Variants in MAP3K14 observed in about 807,000 individuals in gnomAD.
MAP3K14 encodes mitogen-activated protein kinase kinase kinase 14.
Under a neutral mutation model 99.2 loss-of-function variants are expected in MAP3K14, and 16 were observed. That is an observed-to-expected ratio of 0.16 (90% CI 0.11 to 0.24). The LOEUF is 0.24. Among genes scored for constraint, MAP3K14 ranks in the 10% least tolerant of loss-of-function variants. The pLI, the probability that MAP3K14 is intolerant of heterozygous loss-of-function variation, is 1.00. For synonymous variants in MAP3K14, 462 were observed against 492.4 expected (o/e 0.94, Z 0.82); for missense variants, 784 against 1,208.7 (o/e 0.65, Z 5.21).
rs768374848 is a variant in MAP3K14 at position 45,273,534 on chromosome 17, T to C, written c.1626A>G (p.Gln542=). ...GCAAGGACTTTCCCAGGCCATCAGG[T>C]TGAAGACACACAGCATGGCCAAAGT... is the stretch of plus-strand genomic sequence containing the variant. The part of the protein sequence containing the change: ...LCDFGHAVCL[Q]PDGLGKSLLT... Residue 542 remains glutamine, a synonymous_variant, in exon 9 of 16, where the codon CAA becomes CAG. Coordinates refer to ENST00000344686, the MANE Select transcript of MAP3K14 (RefSeq NM_003954.5). 3 of 1,613,044 alleles carry C rather than the reference T, an allele frequency of 1.9e-6. No homozygotes were observed. The highest frequency in any genetic ancestry group is 2.5e-6 in the Non-Finnish European group (3 of 1,179,524).
chr17:45,305,145 T>C (rs902714606), intron 1 of MAP3K14, among the ~76,000 whole-genome samples: 2 of 152,142 alleles, frequency 1.3e-5, no homozygotes, highest in Non-Finnish European at 2.9e-5. Flanking sequence ...TCGCCCAGGC[T>C]GGAGTGCAGT....
At chr17:45,265,455 T>G (rs1467043881) in intron 14 of MAP3K14, among the ~76,000 whole-genome samples, 192 bp from the exon 15 acceptor site, 1 of 152,218 alleles carries the variant, frequency 6.6e-6, no homozygotes. Context: ...TTTTTGTTTT[T>G]GAGACAGAGT....
At chr17:45,316,789 G>A (rs1222015412) in intron 1 of MAP3K14, among the ~76,000 whole-genome samples, 171 bp downstream of exon 1, 2 of 151,728 alleles carry the variant, frequency 1.3e-5, no homozygotes, top group Non-Finnish European at 2.9e-5. Context: ...CCCGCGGACC[G>A]CTGCGAGTGG....
At chr17:45,303,269 T>A (rs754141095) in intron 1 of MAP3K14, among the ~76,000 whole-genome samples, 8 of 152,122 alleles carry the variant, frequency 5.3e-5, no homozygotes, top group African/African-American at 1.2e-4. Context: ...TGCTTAAAAA[T>A]TTTTTTTCAG....
chr17:45,278,679 CTTTTT>C (rs34562745), intron 6 of MAP3K14, among the ~76,000 whole-genome samples: 1 of 139,164 alleles, frequency 7.2e-6, no homozygotes, highest in Non-Finnish European at 1.6e-5. Context: ...CCATGCTGAA[CTTTTT>C]TTTTTTTTTT....
intron 1 of MAP3K14, among the ~76,000 whole-genome samples, chr17:45,301,286 A>G (rs990439932): frequency 2.6e-5 from 4 of 152,178 alleles, no homozygotes; most frequent in Admixed American, 6.5e-5. Flanking sequence ...CAACACAGAG[A>G]AACCCCGTCT....
chr17:45,277,314 G>A (rs58428160), intron 6 of MAP3K14, among the ~76,000 whole-genome samples: 34,819 of 151,928 alleles, frequency 0.23, 4,167 homozygotes, highest in East Asian at 0.38. Flanking sequence ...TCCCCGCTTA[G>A]TAGACTTGTC....
Position 45,263,411 on chromosome 17 carries a change from C to T in MAP3K14, c.*1225G>A, listed in dbSNP as rs2143750299. 6.5e-6 allele frequency: 1 copy of T among 152,878 alleles called. No individual in the cohort carries two copies. The highest frequency in any genetic ancestry group is 2.1e-4 in the South Asian group (1 of 4,830). 9.5% of individuals were successfully genotyped at this position (152,878 alleles called of 1,614,324 possible). ...TGCTACGTGAGTCCTGAGTAGCTCC[C>T]CTGGGAGAAGAGGCTAAGCTGGGGC... On this transcript the variant is annotated 3_prime_UTR_variant, in exon 16 of 16. Coordinates refer to ENST00000344686, the MANE Select transcript of MAP3K14 (RefSeq NM_003954.5).
chr17:45,279,423 A>C (rs1279107249), intron 6 of MAP3K14, among the ~76,000 whole-genome samples: 1 of 148,452 alleles, frequency 6.7e-6, no homozygotes, highest in East Asian at 2.0e-4. Context: ...CACCACACCC[A>C]GCCTTCTTTG....
At chr17:45,312,728 G>C (rs1197814616) in intron 1 of MAP3K14, among the ~76,000 whole-genome samples, 1 of 152,148 alleles carries the variant, frequency 6.6e-6, no homozygotes, top group African/African-American at 2.4e-5. Flanking sequence ...ATTTAAAGGG[G>C]AATCTGCAAG....
chr17:45,277,152 T>A lies in MAP3K14; in HGVS notation c.1291-2559A>T, dbSNP rs558628866. ...CTCTTAGGCTTCTTCTTCTTTTTTT[T>A]AATTTTATTTATTATTATACTTTAA... On this transcript the variant is annotated intron_variant, in intron 6 of 15. Transcript: ENST00000344686. Among the ~76,000 whole-genome samples, 51 of 152,262 alleles carry A rather than the reference T, an allele frequency of 3.3e-4. 1 individual carries two copies. The South Asian group carries it at 6.6e-3, about 20-fold the overall frequency.
intron 1 of MAP3K14, among the ~76,000 whole-genome samples, chr17:45,310,316 G>A (rs926984334): frequency 6.6e-6 from 1 of 152,064 alleles, no homozygotes; most frequent in Non-Finnish European, 1.5e-5. Context: ...TTACAGGCAC[G>A]AGCCACCGTG....
In MAP3K14 at chr17:45,290,682, G is replaced by A. The variant is rs748799109; in HGVS notation, c.64C>T (p.Leu22Phe). ...GGCGTCTTCTCCTTGGCTTTGGGGA[G>A]TTCCTTCTGCTGCCCCACTGCTGAG... ...PGSAVGQQKE[L>F]PKAKEKTPPL... Residue 22 changes from leucine to phenylalanine, a missense_variant, in exon 2 of 16, where the codon CTC becomes TTC. Around this residue, in one of 5 missense-constraint regions of MAP3K14, gnomAD observed 188 missense variants for 313.0 expected, o/e 0.60. Coordinates refer to ENST00000344686, the MANE Select transcript of MAP3K14 (RefSeq NM_003954.5). 1 of 1,613,388 alleles carries A rather than the reference G, an allele frequency of 6.2e-7. No homozygotes were observed. Among genetic ancestry groups the A allele is most frequent in the Non-Finnish European group, 8.5e-7 (1 of 1,179,782 alleles).
At chr17:45,290,864 C>A (rs1598258145) in intron 1 of MAP3K14, 99 bp from the exon 2 acceptor site, 26 of 1,199,066 alleles carry the variant, frequency 2.2e-5, no homozygotes, top group African/African-American at 3.0e-5. Flanking sequence ...GGCAAAGGGT[C>A]TCTGCCTGTT....
rs957347930 is a variant in MAP3K14 at position 45,271,077 on chromosome 17, C to G, written c.1802G>C (p.Arg601Pro). 3.7e-6 allele frequency: 6 copies of G among 1,613,014 alleles called. No individual in the cohort carries two copies. The highest frequency in any genetic ancestry group is 2.7e-5 in the African/African-American group (2 of 75,044). Reference sequence around the variant, plus strand: ...ACCGACCTTGAGGCAGAGCGGCCCTCGGAAGAACTGAGTCCAGGGGTGGCA... The same window carrying G: ...ACCGACCTTGAGGCAGAGCGGCCCTGGGAAGAACTGAGTCCAGGGGTGGCA... ...NGCHPWTQFF[R>P]GPLCLKIASE... Residue 601 changes from arginine (R) to proline (P), a missense_variant, in exon 10 of 16, where the codon CGA becomes CCA. Arg to Pro is a moderately radical substitution (Grantham distance 103). Around this residue, in one of 5 missense-constraint regions of MAP3K14, gnomAD observed 200 missense variants for 367.9 expected, o/e 0.54. Coordinates refer to ENST00000344686, the MANE Select transcript of MAP3K14 (RefSeq NM_003954.5).
intron 3 of MAP3K14, among the ~76,000 whole-genome samples, chr17:45,288,183 T>A (rs2143824763): frequency 6.6e-6 from 1 of 152,138 alleles, no homozygotes; most frequent in African/African-American, 2.4e-5. Context: ...CTGAAAGAAG[T>A]GTGTCTATCA....
intron 6 of MAP3K14, among the ~76,000 whole-genome samples, chr17:45,277,250 C>A (rs113896299): frequency 2.6e-5 from 4 of 151,944 alleles, no homozygotes; most frequent in Non-Finnish European, 5.9e-5. Context: ...TGTGCTGCAC[C>A]CATTAACTTG....
chr17:45,266,963 A>T, intron 13 of MAP3K14, 129 bp downstream of exon 13: 2 of 752,068 alleles, frequency 2.7e-6, no homozygotes, highest in Non-Finnish European at 4.4e-6. Context: ...GGTGACCCCC[A>T]TCACCCTCCC....
chr17:45,304,721 T>C (rs2044418136), intron 1 of MAP3K14, among the ~76,000 whole-genome samples: 1 of 152,130 alleles, frequency 6.6e-6, no homozygotes, highest in African/African-American at 2.4e-5. Flanking sequence ...CCCTCAGAGG[T>C]AATTTCTTCC....
Sources: gnomAD v4.1 joint callset for allele counts (sites outside exome capture counted in the v4.1 genomes callset) on GRCh38, gnomAD v4.1.1 for gene constraint, gnomAD v4.1.1 regional missense constraint, MANE v1.5 for transcripts, NCBI Gene and HGNC (gene_info 2026-07-23, HGNC 2026-07-21) for gene names.